The following ENTREP2 variants were observed in gnomAD, a reference collection of about 807,000 sequenced individuals.
ENTREP2 encodes protein ENTREP2.
chr15:29,155,207 A>G, the ENTREP2 span, among the ~76,000 whole-genome samples: 22,059 of 151,574 alleles, frequency 0.15, 1,960 homozygotes, highest in Non-Finnish European at 0.2. Flanking sequence ...GCGTGAACCC[A>G]GGAGGTGGAG....
At chr15:29,546,585 A>C in the ENTREP2 span, among the ~76,000 whole-genome samples, 1 of 152,296 alleles carries the variant, frequency 6.6e-6, no homozygotes, top group Admixed American at 6.5e-5. Context: ...AATCTATCCT[A>C]TATATAAACA....
the ENTREP2 span, among the ~76,000 whole-genome samples, chr15:29,255,569 C>G: frequency 4.6e-5 from 7 of 152,188 alleles, no homozygotes; most frequent in African/African-American, 1.7e-4. Context: ...AAAAACCCCA[C>G]CTTCACCCAT....
the ENTREP2 span, among the ~76,000 whole-genome samples, chr15:29,118,898 C>G: frequency 6.6e-6 from 1 of 152,168 alleles, no homozygotes; most frequent in Admixed American, 6.5e-5. Context: ...GGCCTGGGGT[C>G]CAGCTGGGTT....
chr15:29,513,517 A>T, the ENTREP2 span, among the ~76,000 whole-genome samples: 9 of 152,314 alleles, frequency 5.9e-5, no homozygotes, highest in Admixed American at 2.6e-4. Flanking sequence ...TGGAGGGAAG[A>T]CACAGTGTTG....
the ENTREP2 span, among the ~76,000 whole-genome samples, chr15:29,211,846 T>C: frequency 2.3e-3 from 325 of 143,902 alleles, no homozygotes; most frequent in African/African-American, 9.1e-3. Context: ...TCATGGTGGA[T>C]TATCTTTTGA....
At chr15:29,234,715 A>G in the ENTREP2 span, 1 of 1,528,980 alleles carries the variant, frequency 6.5e-7, no homozygotes, top group Non-Finnish European at 9.1e-7. Flanking sequence ...AAGTAGTTCC[A>G]TTGTGGCAAG....
the ENTREP2 span, among the ~76,000 whole-genome samples, chr15:29,148,429 G>A: frequency 2.4e-4 from 36 of 152,290 alleles, no homozygotes; most frequent in African/African-American, 7.7e-4. Flanking sequence ...TACTAAAATC[G>A]GTGGAGGGTG....
At chr15:29,655,019 T>C in the ENTREP2 span, among the ~76,000 whole-genome samples, 405 of 152,322 alleles carry the variant, frequency 2.7e-3, 17 homozygotes, top group East Asian at 0.065. Context: ...TGTTGTCAAA[T>C]GATTTGTAAA....
the ENTREP2 span, among the ~76,000 whole-genome samples, chr15:29,433,933 A>G: frequency 6.6e-6 from 1 of 152,134 alleles, no homozygotes; most frequent in Non-Finnish European, 1.5e-5. Context: ...CTCTATTCCC[A>G]TGCCCTGCTT....
At chr15:29,264,337 A>G in the ENTREP2 span, among the ~76,000 whole-genome samples, 1 of 152,046 alleles carries the variant, frequency 6.6e-6, no homozygotes, top group Non-Finnish European at 1.5e-5. Context: ...GTTAATGATA[A>G]TAAGAGACCC....
the ENTREP2 span, among the ~76,000 whole-genome samples, chr15:29,262,641 T>C: frequency 1.2e-3 from 183 of 152,376 alleles, no homozygotes; most frequent in Non-Finnish European, 2.1e-3. Context: ...TCTCTTCATC[T>C]GTGTCTTTTG....
the ENTREP2 span, among the ~76,000 whole-genome samples, chr15:29,554,984 T>C: frequency 6.6e-6 from 1 of 152,148 alleles, no homozygotes; most frequent in Admixed American, 6.5e-5. Flanking sequence ...AATTACATTA[T>C]AGTCATTCAA....
chr15:29,624,629 G>T, the ENTREP2 span, among the ~76,000 whole-genome samples: 1 of 152,114 alleles, frequency 6.6e-6, no homozygotes, highest in South Asian at 2.1e-4. Context: ...CTATATTAAA[G>T]GAGAAGAACC....
the ENTREP2 span, among the ~76,000 whole-genome samples, chr15:29,389,320 C>T: frequency 6.6e-6 from 1 of 152,078 alleles, no homozygotes; most frequent in Non-Finnish European, 1.5e-5. Context: ...TAGACTAAGA[C>T]ACTACGACAT....
the ENTREP2 span, among the ~76,000 whole-genome samples, chr15:29,482,806 G>C: frequency 2.0e-5 from 3 of 152,210 alleles, no homozygotes; most frequent in African/African-American, 4.8e-5. Flanking sequence ...AAATATCCAA[G>C]TGCAGGCTTT....
At chr15:29,657,039 GGTGA>G in the ENTREP2 span, among the ~76,000 whole-genome samples, 1 of 152,030 alleles carries the variant, frequency 6.6e-6, no homozygotes, top group East Asian at 1.9e-4. Flanking sequence ...GGGCCTTCGT[GGTGA>G]GTGTTACAGC....
chr15:29,220,707 C>G, the ENTREP2 span, among the ~76,000 whole-genome samples: 2 of 151,796 alleles, frequency 1.3e-5, no homozygotes, highest in African/African-American at 2.4e-5. Context: ...GGTGCATGAA[C>G]GTGTATACAC....
At chr15:29,572,863 A>G in the ENTREP2 span, among the ~76,000 whole-genome samples, 8 of 139,932 alleles carry the variant, frequency 5.7e-5, no homozygotes, top group East Asian at 1.7e-3. Flanking sequence ...GAATCAGATG[A>G]TAAGGAGATT....
chr15:29,356,652 G>T, the ENTREP2 span, among the ~76,000 whole-genome samples: 1 of 151,816 alleles, frequency 6.6e-6, no homozygotes, highest in African/African-American at 2.4e-5. Flanking sequence ...TAAAAATAAG[G>T]TACCAAGGAT....
Sources: gnomAD v4.1 joint callset for allele counts (sites outside exome capture counted in the v4.1 genomes callset) on GRCh38, gnomAD v4.1.1 for gene constraint, MANE v1.5 for transcripts, NCBI Gene and HGNC (gene_info 2026-07-23, HGNC 2026-07-21) for gene names.